Variants in AIM2 observed in about 807,000 individuals in gnomAD.
AIM2 encodes the protein interferon-inducible protein AIM2.
In AIM2, 30 loss-of-function variants were observed where a neutral mutation model predicts 27.7. The ratio of observed to expected loss-of-function variants is 1.08; its 90% CI spans 0.81 to 1.47. The LOEUF (loss-of-function observed/expected upper bound fraction) is 1.47, where lower values mean the gene tolerates loss of function less well. AIM2 is among the 40% of genes most tolerant of loss of function. The probability of loss-of-function intolerance (pLI) is 0.00; values close to 1 mark genes in which losing one functional copy is unlikely to be tolerated. For missense variants in AIM2, 358 were observed against 411.3 expected, an observed-to-expected ratio of 0.87 and a Z score of 1.12; for synonymous variants, 141 against 145.3, an observed-to-expected ratio of 0.97 and a Z score of 0.21.
At chr1:159,090,989 A>G (rs1657030081) in intron 1 of AIM2, among the ~76,000 whole-genome samples, 2 of 152,038 alleles carry the variant, frequency 1.3e-5, no homozygotes, top group African/African-American at 2.4e-5. Flanking sequence ...GTAACTTCCT[A>G]TTGACCTCCT....
chr1:159,079,335 T>A (rs1201732004), upstream of AIM2, among the ~76,000 whole-genome samples: 1 of 151,932 alleles, frequency 6.6e-6, no homozygotes, highest in Non-Finnish European at 1.5e-5. Flanking sequence ...TTTCTAAAAG[T>A]ATGCCTAGAA....
the AIM2 span, among the ~76,000 whole-genome samples, chr1:159,056,716 G>T: frequency 1.6e-4 from 2 of 12,550 alleles, no homozygotes; most frequent in Admixed American, 2.8e-3. Flanking sequence ...AGCCCAACCG[G>T]CAAAAAAAAA....
At chr1:159,111,436 T>C (rs1657569802) in intron 1 of AIM2, among the ~76,000 whole-genome samples, 2 of 152,186 alleles carry the variant, frequency 1.3e-5, no homozygotes, top group South Asian at 2.1e-4. Flanking sequence ...CACTTTAAAA[T>C]GGTTACTTTT....
At position 159,093,733 on chromosome 1, in the gene AIM2, CAGAGAGAG is replaced by C. The variant is rs57305983; in HGVS notation, c.-15-27412_-15-27405del. 6.3e-5 allele frequency among the ~76,000 whole-genome samples: 9 copies of C among 143,934 alleles called. No individual in the cohort carries two copies. The South Asian group carries it at 8.8e-4, about 14-fold the overall frequency. 94.4% of individuals were successfully genotyped at this position (143,934 alleles called of 152,430 possible). On this transcript the variant is annotated intron_variant, in intron 1 of 2. Coordinates refer to the AIM2 transcript ENST00000368129. ...ATATATGTATGTGTATATATATATA[CAGAGAGAG>C]AGAGAGAGAGAGAGAGACGGAGTCT...
intron 1 of AIM2, among the ~76,000 whole-genome samples, chr1:159,115,972 C>A (rs1002303624): frequency 1.3e-4 from 19 of 151,194 alleles, no homozygotes; most frequent in Middle Eastern, 3.4e-3. Flanking sequence ...CAATGAACTC[C>A]AACAAATTTA....
intron 1 of AIM2, among the ~76,000 whole-genome samples, chr1:159,092,829 C>T (rs1657076847): frequency 6.6e-6 from 1 of 151,846 alleles, no homozygotes; most frequent in Non-Finnish European, 1.5e-5. Context: ...TTCGAAACCA[C>T]CCTTGTCAAC....
At chr1:159,095,851 A>G (rs1657170381) in intron 1 of AIM2, among the ~76,000 whole-genome samples, 1 of 152,206 alleles carries the variant, frequency 6.6e-6, no homozygotes, top group African/African-American at 2.4e-5. Flanking sequence ...AATGCTTTAT[A>G]CTGGTGACTA....
At chr1:159,093,044 T>A (rs1657083660) in intron 1 of AIM2, among the ~76,000 whole-genome samples, 1 of 149,862 alleles carries the variant, frequency 6.7e-6, no homozygotes, top group African/African-American at 2.4e-5. Flanking sequence ...TAAATAAAAA[T>A]AAATAAATAA....
intron 1 of AIM2, among the ~76,000 whole-genome samples, chr1:159,139,937 C>T (rs1648079140): frequency 6.6e-6 from 1 of 152,148 alleles, no homozygotes; most frequent in Admixed American, 6.5e-5. Context: ...CATGGTTAAG[C>T]ACCTCCATTA....
chr1:159,127,991 T>A (rs549186116), intron 1 of AIM2, among the ~76,000 whole-genome samples: 2 of 152,292 alleles, frequency 1.3e-5, no homozygotes, highest in South Asian at 4.2e-4. Context: ...TCTGTTCCCT[T>A]CATAACAAAC....
chr1:159,131,435 A>G (rs1647871844), intron 1 of AIM2, among the ~76,000 whole-genome samples: 1 of 152,232 alleles, frequency 6.6e-6, no homozygotes. Context: ...AGTAATTAGA[A>G]TAATTTATCT....
upstream of AIM2, among the ~76,000 whole-genome samples, chr1:159,140,690 G>C (rs1187600855): frequency 2.6e-5 from 4 of 152,180 alleles, no homozygotes; most frequent in Admixed American, 2.6e-4. Context: ...AAGGGAGAGA[G>C]CCAGACCAGC....
intron 1 of AIM2, among the ~76,000 whole-genome samples, chr1:159,074,530 C>A (rs971404216): frequency 6.6e-6 from 1 of 151,860 alleles, no homozygotes; most frequent in African/African-American, 2.4e-5. Flanking sequence ...TGTCCATCAA[C>A]CTATTTTTGT....
chr1:159,122,874 G>A (rs538450164), intron 1 of AIM2, among the ~76,000 whole-genome samples: 2 of 152,300 alleles, frequency 1.3e-5, no homozygotes, highest in East Asian at 3.9e-4. Flanking sequence ...ATTGCTAGGT[G>A]ACTAGTTAGT....
intron 1 of AIM2, among the ~76,000 whole-genome samples, chr1:159,108,901 C>T (rs1277344852): frequency 1.3e-5 from 2 of 152,056 alleles, no homozygotes; most frequent in South Asian, 4.1e-4. Flanking sequence ...AGACGACACA[C>T]ACAAATGGAA....
chr1:159,126,670 G>T (rs535487589), intron 1 of AIM2, among the ~76,000 whole-genome samples: 361 of 136,272 alleles, frequency 2.6e-3, no homozygotes, highest in Admixed American at 7.1e-3. Context: ...AAAAAAAATT[G>T]ATAGAATTAC....
intron 4 of AIM2, among the ~76,000 whole-genome samples, chr1:159,063,947 GAATA>G (rs1655966828): frequency 6.6e-6 from 1 of 152,122 alleles, no homozygotes; most frequent in Non-Finnish European, 1.5e-5. Context: ...TCCACTTAAT[GAATA>G]GTTAGTATAT....
chr1:159,061,859 G>T (rs1365583696), downstream of AIM2, among the ~76,000 whole-genome samples: 1 of 152,110 alleles, frequency 6.6e-6, no homozygotes, highest in Admixed American at 6.5e-5. Context: ...TGTAGATTGT[G>T]CTTTTGGTGT....
chr1:159,072,907 T>C lies in AIM2; in HGVS notation c.262+331A>G, dbSNP rs1656423216. On this transcript the variant is annotated intron_variant, in intron 2 of 5. Transcript: ENST00000368130. ...GCATTACATACTGTGTAAATGGAGTTGGGAGAAGTTAACTTTGAAATTCTA... is the reference window on the plus strand; with the variant it reads ...GCATTACATACTGTGTAAATGGAGTCGGGAGAAGTTAACTTTGAAATTCTA... 3.3e-5 allele frequency among the ~76,000 whole-genome samples: 5 copies of C among 152,314 alleles called. No individual in the cohort carries two copies. The South Asian group carries it at 1.0e-3, about 32-fold the overall frequency.
Sources: allele counts gnomAD v4.1 joint callset (sites outside exome capture counted in the v4.1 genomes callset), GRCh38; gene constraint gnomAD v4.1.1; transcripts MANE v1.5; gene names NCBI Gene and HGNC (gene_info 2026-07-23, HGNC 2026-07-21).